TRIM5: variants seen among roughly 807,000 people sequenced by gnomAD.
TRIM5 encodes the protein tripartite motif containing 5, also known as tripartite motif-containing protein 5.
Under a neutral mutation model 35.6 loss-of-function variants are expected in TRIM5, and 31 were observed. The observed-to-expected ratio is 0.87, with a 90% CI of 0.65 to 1.18. TRIM5 has a LOEUF of 1.18. TRIM5 is among the 50% of genes most tolerant of loss of function. TRIM5 has a pLI of 0.00. For synonymous variants in TRIM5, 243 were observed against 215.6 expected (o/e 1.13, Z -1.11); for missense variants, 609 against 591.6 (o/e 1.03, Z -0.31).
chr11:5,682,093 G>A (rs4575305), intron 1 of TRIM5, among the ~76,000 whole-genome samples: 80,760 of 151,668 alleles, frequency 0.53, 21,507 homozygotes, highest in African/African-American at 0.54. Flanking sequence ...CACCGTGCCC[G>A]GCTTCAGCTT....
At chr11:5,604,742 G>A in the TRIM5 span, 2 of 1,136,286 alleles carry the variant, frequency 1.8e-6, no homozygotes, top group African/African-American at 3.2e-5. Flanking sequence ...GACTAGAAGA[G>A]CTTCCCTTTG....
At chr11:5,629,110 C>G in the TRIM5 span, among the ~76,000 whole-genome samples, 2 of 152,088 alleles carry the variant, frequency 1.3e-5, no homozygotes, top group Non-Finnish European at 2.9e-5. Context: ...AACCCCGTCT[C>G]TACTAAAAAT....
rs538849713 is a variant in TRIM5 at position 5,679,816 on chromosome 11, T to A, written c.362A>T (p.Gln121Leu). The change falls in exon 2 of 8, where the codon CAG becomes CTG. Residue 121 changes from glutamine (Q) to leucine (L), a missense_variant. By Grantham distance (113) the Gln-to-Leu change is moderately radical. Transcript: ENST00000380034. ...KVICWLCERS[Q>L]EHRGHHTFLT... ...GAACGTGTGGTGACCACGGTGCTCCTGAGACCGCTCACAAAGCCAGCAAAT... is the reference window on the plus strand; with the variant it reads ...GAACGTGTGGTGACCACGGTGCTCCAGAGACCGCTCACAAAGCCAGCAAAT... The A allele has an allele frequency of 3.7e-6, 6 of 1,612,908 alleles. No homozygotes were observed. Among genetic ancestry groups the A allele is most frequent in the Non-Finnish European group, 5.1e-6 (6 of 1,179,492 alleles).
At chr11:5,605,188 A>G in the TRIM5 span, 2 of 1,053,468 alleles carry the variant, frequency 1.9e-6, no homozygotes, top group Non-Finnish European at 2.9e-6. Context: ...AGAACAGGCT[A>G]CAAAGGCTTT....
At chr11:5,654,860 T>C in the TRIM5 span, among the ~76,000 whole-genome samples, 1 of 152,138 alleles carries the variant, frequency 6.6e-6, no homozygotes, top group African/African-American at 2.4e-5. Context: ...AATTTCATTA[T>C]GTACCACAGC....
chr11:5,597,113 C>A, the TRIM5 span, among the ~76,000 whole-genome samples: 1 of 152,244 alleles, frequency 6.6e-6, no homozygotes, highest in South Asian at 2.1e-4. Context: ...TGGTTAGGAG[C>A]ATAGATGCCG....
chr11:5,609,104 G>A, the TRIM5 span, among the ~76,000 whole-genome samples: 18 of 152,082 alleles, frequency 1.2e-4, no homozygotes, highest in East Asian at 3.5e-3. Context: ...AGCTCTGGAG[G>A]ATAATAATTT....
chr11:5,633,686 T>C, the TRIM5 span: 4 of 968,862 alleles, frequency 4.1e-6, no homozygotes, highest in African/African-American at 6.6e-5. Context: ...AATCACCAGC[T>C]TCACAGTTTC....
chr11:5,627,430 A>G, the TRIM5 span, among the ~76,000 whole-genome samples: 38 of 152,278 alleles, frequency 2.5e-4, no homozygotes, highest in African/African-American at 8.7e-4. Context: ...GTGGAAGAAC[A>G]ATTTCCTGAA....
chr11:5,594,204 C>A, the TRIM5 span, among the ~76,000 whole-genome samples: 1 of 152,312 alleles, frequency 6.6e-6, no homozygotes, highest in South Asian at 2.1e-4. Context: ...TGCCCAATCT[C>A]CCTGTTCAAG....
chr11:5,604,416 C>A, the TRIM5 span: 1 of 1,136,948 alleles, frequency 8.8e-7, no homozygotes, highest in Non-Finnish European at 1.2e-6. Flanking sequence ...AAGTTTTCAT[C>A]CTAGGTTAGG....
intron 1 of TRIM5, among the ~76,000 whole-genome samples, chr11:5,680,780 A>T (rs1196019490): frequency 6.6e-6 from 1 of 152,224 alleles, no homozygotes; most frequent in East Asian, 1.9e-4. Context: ...GTTTGCAATG[A>T]TTGCTCTTAT....
chr11:5,634,656 G>C, the TRIM5 span: 1 of 1,613,304 alleles, frequency 6.2e-7, no homozygotes, highest in South Asian at 1.1e-5. Flanking sequence ...GAGAGACAAA[G>C]GATACAAACA....
At chr11:5,611,039 TCA>T in the TRIM5 span, 11 of 1,614,076 alleles carry the variant, frequency 6.8e-6, no homozygotes, top group South Asian at 1.1e-4. Flanking sequence ...TTGCTCAAAA[TCA>T]CAGTGCTTAC....
At chr11:5,684,142 T>C in intron 1 of TRIM5, 1 of 175,162 alleles carries the variant, frequency 5.7e-6, no homozygotes, top group Non-Finnish European at 1.2e-5. Flanking sequence ...GCTTCATTCT[T>C]GAAGTCAGTG....
chr11:5,674,054 G>A (rs111885420), intron 4 of TRIM5, among the ~76,000 whole-genome samples: 7 of 151,666 alleles, frequency 4.6e-5, no homozygotes, highest in African/African-American at 1.7e-4. Context: ...GATACAGAAA[G>A]GTTAAAAAAA....
rs569855700 is a variant in TRIM5 at position 5,674,737 on chromosome 11, A to G, written c.744+3467T>C. On this transcript the variant is annotated intron_variant, in intron 4 of 7. Coordinates refer to ENST00000380034, the MANE Select transcript of TRIM5 (RefSeq NM_033034.3). ...TGTGTTGGAACAACTGGATAGCCAT[A>G]TGCAGAAGACTATCTCACACCATGG... 3.9e-5 allele frequency among the ~76,000 whole-genome samples: 6 copies of G among 152,388 alleles called. No homozygotes were observed. In the East Asian group the frequency reaches 1.2e-3, roughly 29 times the overall value.
At chr11:5,683,337 G>T (rs1424891670) in intron 1 of TRIM5, among the ~76,000 whole-genome samples, 2 of 152,222 alleles carry the variant, frequency 1.3e-5, no homozygotes, top group African/African-American at 4.8e-5. Flanking sequence ...GCGGCCCGGT[G>T]CAGGATCCAC....
At chr11:5,632,774 G>C in the TRIM5 span, 1 of 1,570,092 alleles carries the variant, frequency 6.4e-7, no homozygotes. Context: ...TAGATGGAGG[G>C]AGATGGGGCA....
Sources: gnomAD v4.1 joint callset for allele counts (sites outside exome capture counted in the v4.1 genomes callset) on GRCh38, gnomAD v4.1.1 for gene constraint, MANE v1.5 for transcripts, NCBI Gene and HGNC (gene_info 2026-07-23, HGNC 2026-07-21) for gene names.